ZFHX3: variants seen among roughly 807,000 people sequenced by gnomAD.
ZFHX3 encodes zinc finger homeobox 3, also known as zinc finger homeobox protein 3.
ZFHX3 carries 42 observed loss-of-function variants against 279.1 expected under a neutral mutation model. The observed-to-expected ratio is 0.15, with a 90% confidence interval of 0.12 to 0.19. ZFHX3 has a LOEUF of 0.19. Ranked by LOEUF, ZFHX3 falls within the 10% of genes least tolerant of loss-of-function variation. The probability of loss-of-function intolerance (pLI) is 1.00; values close to 1 mark genes in which losing one functional copy is unlikely to be tolerated. For synonymous variants in ZFHX3, 2,293 were observed against 1,957.8 expected (o/e 1.17, Z -4.52); for missense variants, 4,981 against 4,754.0 (o/e 1.05, Z -1.40).
At chr16:72,807,453 A>G (rs1456779681) in intron 7 of ZFHX3, 2 of 152,206 alleles carry the variant, frequency 1.3e-5, no homozygotes, top group Non-Finnish European at 2.9e-5. Context: ...AAGGGGGCCC[A>G]TGGAAGACAT....
intron 1 of ZFHX3, among the ~76,000 whole-genome samples, chr16:73,007,537 C>T (rs1357759087): frequency 6.6e-6 from 1 of 152,136 alleles, no homozygotes; most frequent in African/African-American, 2.4e-5. Context: ...ATCTCTGCCT[C>T]CCGGGTTCAC....
chr16:73,763,125 T>TA (rs1186146815), intron 1 of ZFHX3, among the ~76,000 whole-genome samples: 2 of 152,160 alleles, frequency 1.3e-5, no homozygotes, highest in Non-Finnish European at 2.9e-5. Context: ...ATTAAGATGT[T>TA]ACGAAAACAA....
chr16:72,932,654 A>C (rs77914380), intron 3 of ZFHX3, among the ~76,000 whole-genome samples: 1 of 42,636 alleles, frequency 2.3e-5, no homozygotes, highest in Non-Finnish European at 3.9e-5. Context: ...GCTCCGCACC[A>C]AAAAAAAAAA....
At chr16:73,847,117 C>A (rs897341273) in intron 1 of ZFHX3, among the ~76,000 whole-genome samples, 4 of 151,978 alleles carry the variant, frequency 2.6e-5, no homozygotes, top group African/African-American at 9.7e-5. Flanking sequence ...GCCTGACCAA[C>A]ATGGTGAAAC....
At chr16:73,127,618 G>A (rs1404230755) in intron 7 of ZFHX3, 1 of 1,290,884 alleles carries the variant, frequency 7.7e-7, no homozygotes, top group Non-Finnish European at 1.0e-6. Context: ...AGGCAAGAAA[G>A]GAACAGGGTG....
intron 1 of ZFHX3, among the ~76,000 whole-genome samples, chr16:73,819,266 T>C (rs897975372): frequency 6.6e-6 from 1 of 151,414 alleles, no homozygotes; most frequent in East Asian, 1.9e-4. Context: ...TAGTTCTTTG[T>C]TGAGGAGTGG....
At chr16:73,731,438 G>A (rs2142249540) in intron 1 of ZFHX3, among the ~76,000 whole-genome samples, 1 of 151,122 alleles carries the variant, frequency 6.6e-6, no homozygotes, top group East Asian at 1.9e-4. Context: ...AAAAATTACT[G>A]CTCAATTGGC....
At chr16:73,066,137 T>G (rs1182097957) in intron 8 of ZFHX3, among the ~76,000 whole-genome samples, 1 of 152,236 alleles carries the variant, frequency 6.6e-6, no homozygotes, top group East Asian at 1.9e-4. Flanking sequence ...CCCTGTGGAC[T>G]CGGGGCGCGC....
chr16:73,589,795 T>C (rs1406060224), intron 2 of ZFHX3, among the ~76,000 whole-genome samples: 1 of 143,968 alleles, frequency 6.9e-6, no homozygotes, highest in African/African-American at 2.5e-5. Flanking sequence ...CTTGTGCATT[T>C]GACTTTGGAA....
At chr16:73,718,218 C>T (rs1597080227) in intron 1 of ZFHX3, among the ~76,000 whole-genome samples, 1 of 152,170 alleles carries the variant, frequency 6.6e-6, no homozygotes, top group East Asian at 1.9e-4. Flanking sequence ...CGCGACAAGC[C>T]TGGCCAACAT....
intron 2 of ZFHX3, among the ~76,000 whole-genome samples, chr16:73,556,792 G>C (rs2020289770): frequency 6.6e-6 from 1 of 151,900 alleles, no homozygotes; most frequent in African/African-American, 2.4e-5. Context: ...AAATAAGATT[G>C]GCTTTAAGAA....
At chr16:73,365,870 A>T (rs1394529845) in intron 3 of ZFHX3, among the ~76,000 whole-genome samples, 1 of 152,266 alleles carries the variant, frequency 6.6e-6, no homozygotes, top group African/African-American at 2.4e-5. Flanking sequence ...CAACGGAACC[A>T]GCACATACAA....
chr16:73,364,042 G>A (rs374214583), intron 3 of ZFHX3, among the ~76,000 whole-genome samples: 51 of 152,086 alleles, frequency 3.4e-4, no homozygotes, highest in Middle Eastern at 3.4e-3. Context: ...GCATGGTGAC[G>A]CATGCCTGTC....
chr16:73,597,829 A>T (rs891509166), intron 2 of ZFHX3, among the ~76,000 whole-genome samples: 8 of 152,228 alleles, frequency 5.3e-5, no homozygotes, highest in African/African-American at 1.9e-4. Context: ...GTTCATGCTG[A>T]TGTAGTACAG....
chr16:72,856,102 C>T (rs1319252243), intron 4 of ZFHX3, among the ~76,000 whole-genome samples: 2 of 152,196 alleles, frequency 1.3e-5, no homozygotes, highest in Non-Finnish European at 2.9e-5. Context: ...CAACACTTCA[C>T]CAGCGCCTTG....
In ZFHX3 at chr16:73,672,741, T is replaced by G. The variant is rs538545856; in HGVS notation, c.-1547+7439A>C. 6.9e-4 allele frequency among the ~76,000 whole-genome samples: 4 copies of G among 5,778 alleles called. No individual in the cohort carries two copies. In the East Asian group the frequency reaches 0.22, roughly 321 times the overall value. 3.8% of individuals were successfully genotyped at this position (5,778 alleles called of 152,430 possible). A position where few individuals can be genotyped will look rare whatever the true frequency, so the allele number is the denominator to read the frequency against. On this transcript the variant is annotated intron_variant, in intron 2 of 17. Coordinates refer to the ZFHX3 transcript ENST00000641206. ...TAAAAGGATCAGAAGAAAGAGCATA[T>G]GCTTTTTATACCTTATACTTTTATA...
chr16:73,342,631 C>T (rs2016055245), intron 3 of ZFHX3, among the ~76,000 whole-genome samples: 1 of 152,108 alleles, frequency 6.6e-6, no homozygotes, highest in Non-Finnish European at 1.5e-5. Flanking sequence ...ATACAAGTAT[C>T]TACCTATTTT....
intron 4 of ZFHX3, among the ~76,000 whole-genome samples, chr16:73,305,313 G>C (rs572389856): frequency 4.6e-4 from 70 of 152,108 alleles, no homozygotes; most frequent in Non-Finnish European, 7.9e-4. Flanking sequence ...CCAAGTTTGG[G>C]TCAATACATC....
chr16:73,043,791 A>G (rs1965199635), intron 1 of ZFHX3, among the ~76,000 whole-genome samples: 1 of 152,240 alleles, frequency 6.6e-6, no homozygotes, highest in South Asian at 2.1e-4. Flanking sequence ...ATTAGCCCAA[A>G]GAAGCCCTCC....
Sources: allele counts gnomAD v4.1 joint callset (sites outside exome capture counted in the v4.1 genomes callset), GRCh38; gene constraint gnomAD v4.1.1; transcripts MANE v1.5; gene names NCBI Gene and HGNC (gene_info 2026-07-23, HGNC 2026-07-21).